The following CELF1 variants were observed in gnomAD, a reference collection of about 807,000 sequenced individuals.
CELF1 encodes the protein CUGBP Elav-like family member 1.
A neutral mutation model predicts 61.8 loss-of-function variants in CELF1; 10 were observed. The ratio of observed to expected loss-of-function variants is 0.16; its 90% CI spans 0.10 to 0.27. The LOEUF is 0.27. CELF1 is among the 10% of genes least tolerant of loss of function. CELF1 has a pLI of 1.00. For missense variants in CELF1, 380 were observed against 639.1 expected (o/e 0.59, Z 4.37); for synonymous variants, 236 against 225.1 (o/e 1.05, Z -0.43).
intron 6 of CELF1, among the ~76,000 whole-genome samples, chr11:47,486,197 C>A (rs1462028903): frequency 6.7e-6 from 1 of 150,098 alleles, no homozygotes; most frequent in Non-Finnish European, 1.5e-5. Flanking sequence ...AGTTCTCCTT[C>A]CTAATTTGTT....
intron 1 of CELF1, among the ~76,000 whole-genome samples, chr11:47,538,642 CAA>C (rs33969247): frequency 0.012 from 1,303 of 108,516 alleles, 12 homozygotes; most frequent in African/African-American, 0.043. Context: ...GACTCCGTCT[CAA>C]AAAAAAAAAA....
chr11:47,522,961 G>GC (rs1199791850), intron 1 of CELF1, among the ~76,000 whole-genome samples: 1 of 152,012 alleles, frequency 6.6e-6, no homozygotes, highest in East Asian at 1.9e-4. Flanking sequence ...AATTCTGGCA[G>GC]CAATAGGCTG....
chr11:47,560,566 G>C (rs2097221999), intron 2 of CELF1, among the ~76,000 whole-genome samples: 1 of 152,182 alleles, frequency 6.6e-6, no homozygotes, highest in South Asian at 2.1e-4. Context: ...ATTCGTGGTT[G>C]TCAGGGAATG....
chr11:47,561,838 AAAG>A (rs756951966), intron 2 of CELF1, among the ~76,000 whole-genome samples: 15 of 152,306 alleles, frequency 9.8e-5, no homozygotes, highest in South Asian at 2.1e-4. Context: ...TTGGCAATAA[AAAG>A]AAGGACAGTC....
intron 1 of CELF1, among the ~76,000 whole-genome samples, chr11:47,517,260 G>GAAAAAA (rs57071560): frequency 2.6e-5 from 2 of 76,996 alleles, no homozygotes; most frequent in Non-Finnish European, 6.3e-5. Flanking sequence ...AACAAACAGA[G>GAAAAAA]AAAAAAAAAA....
intron 3 of CELF1, chr11:47,494,462 G>C (rs2092661656): frequency 2.0e-6 from 2 of 983,136 alleles, no homozygotes; most frequent in Non-Finnish European, 2.4e-6. Context: ...AAATACAATA[G>C]GGATACAATT....
At chr11:47,556,926 G>T (rs2097207229), upstream of CELF1, among the ~76,000 whole-genome samples, 3 of 152,120 alleles carry the variant, frequency 2.0e-5, no homozygotes, top group South Asian at 6.2e-4. Flanking sequence ...TTGAGACGGA[G>T]TCTTGCTCTG....
chr11:47,541,279 T>C (rs2096766858), intron 1 of CELF1, among the ~76,000 whole-genome samples: 1 of 27,640 alleles, frequency 3.6e-5, no homozygotes, highest in African/African-American at 1.4e-4. Context: ...ATTCACACAG[T>C]CTGCAAGAGC....
intron 2 of CELF1, among the ~76,000 whole-genome samples, chr11:47,558,567 A>ATTTTATATATATATATTTT (rs2097213759): frequency 8.9e-6 from 1 of 112,730 alleles, no homozygotes; most frequent in Non-Finnish European, 1.7e-5. Context: ...TTTATATATA[A>ATTTTATATATATATATTTT]TATATAAATA....
At chr11:47,484,548 T>G (rs780895391) in intron 6 of CELF1, 25 bp from the exon 7 acceptor site, 1 of 1,593,596 alleles carries the variant, frequency 6.3e-7, no homozygotes, top group Non-Finnish European at 8.5e-7. Context: ...CAGAAAAGAC[T>G]TGAATATTAC....
chr11:47,483,822 G>C (rs559059371), intron 7 of CELF1, among the ~76,000 whole-genome samples: 2 of 152,184 alleles, frequency 1.3e-5, no homozygotes, highest in South Asian at 4.1e-4. Flanking sequence ...TGGCATCAAG[G>C]ATCTTGCAAA....
At position 47,491,959 on chromosome 11, in the gene CELF1, T is replaced by C. The variant is rs566431937; in HGVS notation, c.72-2935A>G. On this transcript the variant is annotated intron_variant, in intron 3 of 14. Transcript: ENST00000687097. Reference sequence around the variant, plus strand: ...GAGCAGCTATTATCTCCTATGATTATTTAATTGCCACAGGATTAATACGCC... The same window carrying C: ...GAGCAGCTATTATCTCCTATGATTACTTAATTGCCACAGGATTAATACGCC... Among the ~76,000 whole-genome samples, 12 of 152,344 alleles carry C rather than the reference T, an allele frequency of 7.9e-5. No individual in the cohort carries two copies. The South Asian group carries it at 1.0e-3, about 13-fold the overall frequency.
chr11:47,488,771 C>A lies in CELF1; in HGVS notation c.259+66G>T, dbSNP rs543657277. On this transcript the variant is annotated intron_variant, in intron 4 of 14. Transcript: ENST00000687097. The stretch of plus-strand genomic sequence containing the variant: ...AATTTTTTGTATCCTGTTAAAAACC[C>A]AAAGCCCTCACCTGCTCTGAGAGTC... 30 of 1,282,510 alleles carry A rather than the reference C, an allele frequency of 2.3e-5. No individual in the cohort carries two copies. In the African/African-American group the frequency reaches 3.2e-4, roughly 14 times the overall value. 79.4% of individuals were successfully genotyped at this position (1,282,510 alleles called of 1,614,324 possible).
chr11:47,488,786 C>T, intron 4 of CELF1, 51 bp downstream of exon 4: 1 of 1,360,242 alleles, frequency 7.4e-7, no homozygotes, highest in Non-Finnish European at 9.6e-7. Context: ...CCCTCACCTG[C>T]TCTGAGAGTC....
intron 12 of CELF1, 93 bp downstream of exon 12, chr11:47,476,753 C>T: frequency 2.1e-6 from 2 of 974,214 alleles, no homozygotes; most frequent in Non-Finnish European, 3.3e-6. Flanking sequence ...CTTCACTGGG[C>T]CACTGCAATC....
chr11:47,483,674 A>C, intron 7 of CELF1, 142 bp from the exon 8 acceptor site: 1 of 635,730 alleles, frequency 1.6e-6, no homozygotes, highest in Non-Finnish European at 2.8e-6. Flanking sequence ...GGTATGTTGC[A>C]ACAGGGTGAT....
intron 1 of CELF1, among the ~76,000 whole-genome samples, chr11:47,521,196 G>A (rs1404921674): frequency 6.6e-6 from 1 of 152,206 alleles, no homozygotes; most frequent in Non-Finnish European, 1.5e-5. Flanking sequence ...AGTTTGCAGT[G>A]AGCCGACGTC....
intron 3 of CELF1, among the ~76,000 whole-genome samples, chr11:47,490,893 G>A (rs550547689): frequency 3.5e-5 from 5 of 142,674 alleles, no homozygotes; most frequent in African/African-American, 1.0e-4. Context: ...ATGGAGTCTC[G>A]CTCTGTCGCC....
At chr11:47,539,082 A>C (rs191601868) in intron 1 of CELF1, among the ~76,000 whole-genome samples, 1 of 152,372 alleles carries the variant, frequency 6.6e-6, no homozygotes, top group East Asian at 1.9e-4. Flanking sequence ...CTAGAAATGA[A>C]GAAAAGACTG....
Sources: gnomAD v4.1 joint callset for allele counts (sites outside exome capture counted in the v4.1 genomes callset) on GRCh38, gnomAD v4.1.1 for gene constraint, MANE v1.5 for transcripts, NCBI Gene and HGNC (gene_info 2026-07-23, HGNC 2026-07-21) for gene names.